DMD: variants seen among roughly 807,000 people sequenced by gnomAD.
DMD encodes mutant dystrophin.
A neutral mutation model predicts 330.1 loss-of-function variants in DMD; 63 were observed. The ratio of observed to expected loss-of-function variants is 0.19; its 90% CI spans 0.16 to 0.24. DMD has a LOEUF of 0.24. Ranked by LOEUF, DMD falls within the 10% of genes least tolerant of loss-of-function variation. The pLI is 1.00. For missense variants in DMD, 3,344 were observed against 2,684.1 expected (o/e 1.25, Z -5.43); for synonymous variants, 1,223 against 959.8 (o/e 1.27, Z -5.07).
At chrX:32,467,526 T>C (rs890881585) in intron 23 of DMD, among the ~76,000 whole-genome samples, 1 of 110,047 alleles carries the variant, frequency 9.1e-6, no homozygotes, top group Admixed American at 9.9e-5. Context: ...GTTATTACTA[T>C]ATATTACATA....
chrX:32,924,704 T>C (rs1465880863), intron 2 of DMD, among the ~76,000 whole-genome samples: 1 of 111,539 alleles, frequency 9.0e-6, no homozygotes, highest in Non-Finnish European at 1.9e-5. Context: ...TGAGAAAATA[T>C]TCTTTAGAAA....
At chrX:31,826,309 G>A (rs990131754) in intron 49 of DMD, among the ~76,000 whole-genome samples, 2 of 111,762 alleles carry the variant, frequency 1.8e-5, no homozygotes, top group Non-Finnish European at 3.8e-5. Flanking sequence ...ATGGGTCAAA[G>A]GTTCAATAAG....
intron 2 of DMD, among the ~76,000 whole-genome samples, chrX:32,856,167 G>A (rs1477366588): frequency 8.9e-6 from 1 of 112,057 alleles, no homozygotes; most frequent in Non-Finnish European, 1.9e-5. Context: ...CATCAATGCT[G>A]ATGCGGCTGT....
intron 29 of DMD, among the ~76,000 whole-genome samples, chrX:32,417,265 C>A (rs1265125904): frequency 9.0e-6 from 1 of 111,728 alleles, no homozygotes; most frequent in Non-Finnish European, 1.9e-5. Flanking sequence ...CCCACTTATA[C>A]TAAAACTCTC....
intron 44 of DMD, among the ~76,000 whole-genome samples, chrX:31,983,400 G>C (rs772607192): frequency 9.0e-5 from 10 of 110,718 alleles, no homozygotes; most frequent in African/African-American, 2.9e-4. Context: ...ATTGAAGAAG[G>C]GTATAAATCA....
At chrX:32,565,989 A>G in intron 15 of DMD, 108 bp from the exon 16 acceptor site, 3 of 699,336 alleles carry the variant, frequency 4.3e-6, no homozygotes, top group Non-Finnish European at 6.5e-6. Context: ...ATAAGAAAAT[A>G]TTTCAATCGT....
At chrX:31,892,095 C>T (rs968186357) in intron 47 of DMD, among the ~76,000 whole-genome samples, 2 of 111,569 alleles carry the variant, frequency 1.8e-5, no homozygotes, top group East Asian at 2.8e-4. Flanking sequence ...AGCTTGCAAT[C>T]GCAGTTAGCT....
At chrX:31,293,638 T>C (rs2053943883) in intron 62 of DMD, among the ~76,000 whole-genome samples, 1 of 111,791 alleles carries the variant, frequency 8.9e-6, no homozygotes, top group Admixed American at 9.5e-5. Flanking sequence ...TACTCTACAC[T>C]TGCTTCTGTA....
chrX:32,856,389 C>G (rs759818953), intron 2 of DMD, among the ~76,000 whole-genome samples: 5 of 111,652 alleles, frequency 4.5e-5, no homozygotes, highest in Admixed American at 9.5e-5. Context: ...TTCACAATAG[C>G]CAAGATTTGG....
At chrX:33,190,472 TTTC>T in intron 1 of DMD, among the ~76,000 whole-genome samples, 1 of 30,835 alleles carries the variant, frequency 3.2e-5, no homozygotes, top group African/African-American at 6.5e-5. Context: ...TTGATCTTTC[TTTC>T]TTTTTTTTTT....
chrX:32,382,653 T>A (rs1043193101), intron 33 of DMD, among the ~76,000 whole-genome samples: 1 of 108,920 alleles, frequency 9.2e-6, no homozygotes, highest in Non-Finnish European at 1.9e-5. Flanking sequence ...TCTGCCCTTT[T>A]GACTGCAAGA....
chrX:32,250,199 A>G (rs975150496), intron 43 of DMD, among the ~76,000 whole-genome samples: 1 of 111,176 alleles, frequency 9.0e-6, no homozygotes, highest in Non-Finnish European at 1.9e-5. Context: ...TTTTTATTGC[A>G]TATATCTCAG....
At chrX:31,641,598 G>A (rs1261357187) in intron 54 of DMD, among the ~76,000 whole-genome samples, 1 of 110,592 alleles carries the variant, frequency 9.0e-6, no homozygotes, top group Non-Finnish European at 1.9e-5. Context: ...AGAAAAGTGA[G>A]TAAGTGCAAC....
chrX:32,816,321 T>A, intron 6 of DMD, 147 bp downstream of exon 6: 3 of 607,842 alleles, frequency 4.9e-6, no homozygotes, highest in Non-Finnish European at 7.9e-6. Flanking sequence ...ATTAGTTCAT[T>A]CCAATGGAAC....
At chrX:32,517,955 G>A (rs1470733882) in intron 18 of DMD, 53 bp downstream of exon 18, 16 of 1,173,695 alleles carry the variant, frequency 1.4e-5, no homozygotes, top group Non-Finnish European at 1.9e-5. Context: ...AAAGCACGGA[G>A]TTTACAAGCA....
intron 20 of DMD, among the ~76,000 whole-genome samples, chrX:32,490,012 G>A (rs930727271): frequency 8.9e-5 from 10 of 111,974 alleles, no homozygotes; most frequent in Non-Finnish European, 1.7e-4. Context: ...ACCTAATAAT[G>A]CTACAGGTCC....
At chrX:31,607,069 C>T (rs1398113378) in intron 55 of DMD, among the ~76,000 whole-genome samples, 1 of 111,246 alleles carries the variant, frequency 9.0e-6, no homozygotes, top group Non-Finnish European at 1.9e-5. Flanking sequence ...CATTTTCTTC[C>T]CACTCTTTAC....
At chrX:31,284,517 A>G (rs961723363) in intron 62 of DMD, among the ~76,000 whole-genome samples, 2 of 106,137 alleles carry the variant, frequency 1.9e-5, no homozygotes, top group African/African-American at 6.9e-5. Context: ...ATCAGAAAGG[A>G]AACACAAACT....
At chrX:31,833,326 GA>G (rs1273238077) in intron 49 of DMD, among the ~76,000 whole-genome samples, 30 of 53,309 alleles carry the variant, frequency 5.6e-4, no homozygotes, top group African/African-American at 1.1e-3. Context: ...GGGAGAGAGG[GA>G]GAGAGGGAGA....
Sources: gnomAD v4.1 joint callset for allele counts (sites outside exome capture counted in the v4.1 genomes callset) on GRCh38, gnomAD v4.1.1 for gene constraint, MANE v1.5 for transcripts, NCBI Gene and HGNC (gene_info 2026-07-23, HGNC 2026-07-21) for gene names.